Variants in SORBS2 observed in about 807,000 individuals in gnomAD.
SORBS2 encodes sorbin and SH3 domain containing 2.
Under a neutral mutation model 97.7 loss-of-function variants are expected in SORBS2, and 46 were observed. That is an observed-to-expected ratio of 0.47 (90% confidence interval 0.37 to 0.60). The LOEUF is 0.60. Ranked by LOEUF, SORBS2 falls within the 20% of genes least tolerant of loss-of-function variation. SORBS2 has a pLI of 0.00. For synonymous variants in SORBS2, 476 were observed against 473.4 expected (o/e 1.01, Z -0.07); for missense variants, 1,316 against 1,282.3 (o/e 1.03, Z -0.40).
rs1192287168 is a variant in SORBS2, at chr4:185,598,679, T to G, written c.2797-4744A>C. ...GTTTTTATCTTTTTTTATAAAATAT[T>G]AGTTGTCATATTTGCCCACCAGAAT... On this transcript the variant is annotated intron_variant, in intron 12 of 14. Coordinates refer to ENST00000418609, the Ensembl canonical transcript of SORBS2. Among the ~76,000 whole-genome samples, 3 of 152,246 alleles carry G rather than the reference T, an allele frequency of 2.0e-5. No homozygotes were observed. The East Asian group carries it at 5.8e-4, about 29-fold the overall frequency.
chr4:185,864,556 G>A (rs558725170), intron 1 of SORBS2, among the ~76,000 whole-genome samples: 1 of 152,314 alleles, frequency 6.6e-6, no homozygotes, highest in East Asian at 1.9e-4. Flanking sequence ...TTTGGGAAGT[G>A]GAGGCAGGCA....
At chr4:185,763,973 A>T (rs1258160768) in intron 2 of SORBS2, among the ~76,000 whole-genome samples, 1 of 152,248 alleles carries the variant, frequency 6.6e-6, no homozygotes, top group Non-Finnish European at 1.5e-5. Flanking sequence ...AAAAGTCACT[A>T]GCTTTTTCCA....
chr4:185,606,314 C>T lies in SORBS2; in HGVS notation c.2796+5466G>A, dbSNP rs1404398145. 1 of 975,752 alleles carries T rather than the reference C, an allele frequency of 1.0e-6. No homozygotes were observed. The highest frequency in any genetic ancestry group is 6.2e-5 in the Admixed American group (1 of 16,244). 60.4% of individuals were successfully genotyped at this position (975,752 alleles called of 1,614,324 possible). ...TATCATTGTTAATATTGGAAGATTA[C>T]AAAGACTATATCAATTACAAAGACT... is the stretch of plus-strand genomic sequence containing the variant. On this transcript the variant is annotated intron_variant, in intron 12 of 14. Coordinates refer to ENST00000418609, the Ensembl canonical transcript of SORBS2. The surrounding 1 kb of genome is among the most constrained non-coding windows in gnomAD (Gnocchi z 4.3).
At chr4:185,598,377 A>G (rs2096169738) in intron 12 of SORBS2, among the ~76,000 whole-genome samples, 1 of 152,226 alleles carries the variant, frequency 6.6e-6, no homozygotes, top group Non-Finnish European at 1.5e-5. Flanking sequence ...AGTTTTAAAC[A>G]CATGCTAATT....
chr4:185,589,547 A>T (rs980451678), intron 14 of SORBS2, 132 bp downstream of exon 26: 2 of 671,370 alleles, frequency 3.0e-6, no homozygotes, highest in Admixed American at 4.3e-5. Flanking sequence ...TACATTGTGC[A>T]TATGAATGTC....
At chr4:185,828,224 G>A (rs536787690) in intron 1 of SORBS2, among the ~76,000 whole-genome samples, 6 of 152,282 alleles carry the variant, frequency 3.9e-5, no homozygotes, top group Non-Finnish European at 8.8e-5. Flanking sequence ...AGGATGCTAT[G>A]GTGCTGAGAT....
chr4:185,765,248 A>G (rs1337905068), intron 2 of SORBS2, among the ~76,000 whole-genome samples: 1 of 152,132 alleles, frequency 6.6e-6, no homozygotes, highest in African/African-American at 2.4e-5. Context: ...CTAAAACACT[A>G]TTTGGTTTTA....
chr4:185,618,613 C>A, exon 9 of SORBS2: 1 of 1,538,758 alleles, frequency 6.5e-7, no homozygotes, highest in Non-Finnish European at 8.8e-7. Flanking sequence ...AAATCATAAA[C>A]AGCTTTTGCA....
chr4:185,677,170 G>T lies in SORBS2; in HGVS notation c.-46+1253C>A, dbSNP rs1168751364. ...GAAAGAGATGCTGTGTGTGTCTCAG[G>T]CACTGGATTAGGGGTCAGTGAGCGG... On this transcript the variant is annotated intron_variant, in intron 4 of 20. Transcript: ENST00000284776. 4 of 1,551,590 alleles carry T rather than the reference G, an allele frequency of 2.6e-6. No individual in the cohort carries two copies. In the South Asian group the frequency reaches 4.8e-5, roughly 18 times the overall value.
chr4:185,955,023 A>T (rs745919596), intron 1 of SORBS2, among the ~76,000 whole-genome samples: 17 of 152,316 alleles, frequency 1.1e-4, no homozygotes, highest in African/African-American at 1.9e-4. Flanking sequence ...CAATGCCTTA[A>T]TATGTCCCTT....
chr4:185,598,185 G>T (rs1436638543), intron 12 of SORBS2, among the ~76,000 whole-genome samples: 1 of 152,188 alleles, frequency 6.6e-6, no homozygotes, highest in Non-Finnish European at 1.5e-5. Flanking sequence ...TTTTGAACAA[G>T]AATTATATTA....
At chr4:185,819,455 A>T (rs1488608062) in intron 1 of SORBS2, among the ~76,000 whole-genome samples, 1 of 152,112 alleles carries the variant, frequency 6.6e-6, no homozygotes, top group Non-Finnish European at 1.5e-5. Context: ...CTGATATCTC[A>T]TTGCATCCTG....
chr4:185,634,048 T>C (rs749623003), intron 4 of SORBS2, among the ~76,000 whole-genome samples: 4 of 152,204 alleles, frequency 2.6e-5, no homozygotes, highest in Admixed American at 6.5e-5. Flanking sequence ...CCTGCCTGCC[T>C]GGCTATAAAA....
At chr4:185,671,223 G>A (rs560688129) in intron 4 of SORBS2, among the ~76,000 whole-genome samples, 3 of 152,286 alleles carry the variant, frequency 2.0e-5, no homozygotes, top group Non-Finnish European at 2.9e-5. Context: ...TTGTCACACA[G>A]ATTGGGCACA....
At chr4:185,634,319 T>C (rs371413608) in intron 4 of SORBS2, among the ~76,000 whole-genome samples, 3 of 152,340 alleles carry the variant, frequency 2.0e-5, no homozygotes, top group South Asian at 2.1e-4. Flanking sequence ...TTCTACTGGT[T>C]GTGTTTCCCA....
At chr4:185,840,661 C>A (rs1167966707) in intron 1 of SORBS2, among the ~76,000 whole-genome samples, 1 of 152,194 alleles carries the variant, frequency 6.6e-6, no homozygotes, top group Non-Finnish European at 1.5e-5. Flanking sequence ...AATTCGATTT[C>A]TTTCTCACAC....
At chr4:185,679,377 C>T (rs1264612671) in intron 2 of SORBS2, among the ~76,000 whole-genome samples, 1 of 151,992 alleles carries the variant, frequency 6.6e-6, no homozygotes, top group Admixed American at 6.6e-5. Context: ...ATTTTATACT[C>T]AAATATGAAA....
intron 1 of SORBS2, among the ~76,000 whole-genome samples, chr4:185,861,340 T>TG (rs1377570638): frequency 3.5e-4 from 44 of 126,112 alleles, no homozygotes; most frequent in Non-Finnish European, 6.1e-4. Context: ...ATCAGTCGGG[T>TG]GGGGGGCTTA....
chr4:185,607,553 T>C lies in SORBS2; in HGVS notation c.2796+4227A>G, dbSNP rs2096454018. On this transcript the variant is annotated intron_variant, in intron 12 of 14. Coordinates refer to ENST00000418609, the Ensembl canonical transcript of SORBS2. The surrounding 1 kb of genome is among the most constrained non-coding windows in gnomAD (Gnocchi z 5.2). ...GCTGAAATTTAAATACATAAAATCATTTATGTTAATTAGAAAAGTTACTTC... is the reference window on the plus strand; with the variant it reads ...GCTGAAATTTAAATACATAAAATCACTTATGTTAATTAGAAAAGTTACTTC... 6.6e-6 allele frequency among the ~76,000 whole-genome samples: 1 copy of C among 152,214 alleles called. No individual in the cohort carries two copies. The highest frequency in any genetic ancestry group is 2.4e-5 in the African/African-American group (1 of 41,462).
Sources: gnomAD v4.1 joint callset for allele counts (sites outside exome capture counted in the v4.1 genomes callset) on GRCh38, gnomAD v4.1.1 for gene constraint, Gnocchi (gnomAD v3.1) non-coding constraint, MANE v1.5 for transcripts, NCBI Gene and HGNC (gene_info 2026-07-23, HGNC 2026-07-21) for gene names.